Variants in CACNA2D3 observed in about 807,000 individuals in gnomAD.
CACNA2D3 encodes the protein voltage-dependent calcium channel subunit alpha-2/delta-3.
In CACNA2D3, 60 loss-of-function variants were observed where a neutral mutation model predicts 160.6. The ratio of observed to expected loss-of-function variants is 0.37; its 90% CI spans 0.30 to 0.46. The LOEUF (loss-of-function observed/expected upper bound fraction) is 0.46, where lower values mean the gene tolerates loss of function less well. Ranked by LOEUF, CACNA2D3 falls within the 20% of genes least tolerant of loss-of-function variation. The pLI, the probability that CACNA2D3 is intolerant of heterozygous loss-of-function variation, is 1.00. For synonymous variants in CACNA2D3, 558 were observed against 492.9 expected, an observed-to-expected ratio of 1.13 and a Z score of -1.75; for missense variants, 1,205 against 1,365.0, an observed-to-expected ratio of 0.88 and a Z score of 1.85.
intron 35 of CACNA2D3, among the ~76,000 whole-genome samples, chr3:55,042,893 A>G (rs1343055356): frequency 6.6e-6 from 1 of 152,174 alleles, no homozygotes; most frequent in Non-Finnish European, 1.5e-5. Flanking sequence ...ATCATACAGA[A>G]TATAGCCTTT....
At chr3:55,029,778 A>G (rs1703650631) in intron 35 of CACNA2D3, among the ~76,000 whole-genome samples, 2 of 152,180 alleles carry the variant, frequency 1.3e-5, no homozygotes, top group African/African-American at 4.8e-5. Flanking sequence ...GAATAATATA[A>G]TTTGTAGGTG....
chr3:54,815,552 G>GAAA (rs1703430514), intron 13 of CACNA2D3, among the ~76,000 whole-genome samples: 1 of 152,186 alleles, frequency 6.6e-6, no homozygotes, highest in Non-Finnish European at 1.5e-5. Flanking sequence ...TAGCACTTCT[G>GAAA]ATGTCATAAG....
At position 54,852,215 on chromosome 3, in the gene CACNA2D3, CCTTGA is replaced by C. The variant is rs575497894; in HGVS notation, c.1626+5754_1626+5758del. On this transcript the variant is annotated intron_variant, in intron 17 of 37. Transcript: ENST00000474759. Reference sequence around the variant, plus strand: ...GGGAGGTTGCCCAGAATTCAAGGGGCCTTGACTTGATTGCCAGGGCAGATGAGCTC... The same window carrying C: ...GGGAGGTTGCCCAGAATTCAAGGGGCCTTGATTGCCAGGGCAGATGAGCTC... Among the ~76,000 whole-genome samples the C allele has an allele frequency of 1.1e-4, 16 of 152,304 alleles. No homozygotes were observed. In the East Asian group the frequency reaches 2.9e-3, roughly 28 times the overall value.
chr3:54,735,918 C>G (rs1701488729), intron 11 of CACNA2D3, among the ~76,000 whole-genome samples: 1 of 141,146 alleles, frequency 7.1e-6, no homozygotes, highest in Non-Finnish European at 1.6e-5. Context: ...TTGTTATCCA[C>G]CCTCGAGAGA....
chr3:54,234,614 C>A lies in CACNA2D3; in HGVS notation c.205-85828C>A, dbSNP rs575571329. ...CAAAGACATGGAATTAACCTACATG[C>A]CCATCAATGATAGATTGGATAAAGA... On this transcript the variant is annotated intron_variant, in intron 2 of 37. Coordinates refer to ENST00000474759, the MANE Select transcript of CACNA2D3 (RefSeq NM_018398.3). 3.9e-4 allele frequency among the ~76,000 whole-genome samples: 59 copies of A among 152,160 alleles called. 1 individual carries two copies. The highest frequency in any genetic ancestry group is 7.2e-4 in the Non-Finnish European group (49 of 68,032).
At chr3:54,973,172 G>A (rs893624586) in intron 29 of CACNA2D3, among the ~76,000 whole-genome samples, 3 of 152,058 alleles carry the variant, frequency 2.0e-5, no homozygotes, top group Non-Finnish European at 4.4e-5. Flanking sequence ...GAACACCACT[G>A]TAGAGGCACC....
At chr3:55,070,313 TGAAGAGAGAGAGTTGGAG>T (rs1445599047) in intron 35 of CACNA2D3, among the ~76,000 whole-genome samples, 2 of 152,116 alleles carry the variant, frequency 1.3e-5, no homozygotes, top group Admixed American at 1.3e-4. Flanking sequence ...GGGAGATGTG[TGAAGAGAGAGAGTTGGAG>T]GGAGAGAGAG....
At chr3:54,890,604 G>C (rs1255448229) in intron 24 of CACNA2D3, among the ~76,000 whole-genome samples, 3 of 151,896 alleles carry the variant, frequency 2.0e-5, no homozygotes, top group Non-Finnish European at 2.9e-5. Context: ...ATCTCCTAAA[G>C]AACACGCTCA....
chr3:54,811,735 G>A (rs752725531), intron 13 of CACNA2D3, among the ~76,000 whole-genome samples: 21 of 151,920 alleles, frequency 1.4e-4, no homozygotes, highest in African/African-American at 4.3e-4. Flanking sequence ...TCCTGACCTC[G>A]GGTGATCTGC....
intron 16 of CACNA2D3, among the ~76,000 whole-genome samples, 165 bp downstream of exon 16, chr3:54,838,813 T>G (rs546657809): frequency 2.0e-5 from 3 of 152,364 alleles, no homozygotes; most frequent in African/African-American, 7.2e-5. Context: ...TTAAAAGGTT[T>G]TTTTTTTATT....
At chr3:54,973,930 C>T (rs1048382916) in intron 29 of CACNA2D3, among the ~76,000 whole-genome samples, 2 of 152,124 alleles carry the variant, frequency 1.3e-5, no homozygotes, top group African/African-American at 2.4e-5. Flanking sequence ...GCCTGATGTA[C>T]AGAGATTCAG....
intron 35 of CACNA2D3, among the ~76,000 whole-genome samples, chr3:55,056,228 G>A (rs1380676150): frequency 6.6e-6 from 1 of 151,968 alleles, no homozygotes; most frequent in Non-Finnish European, 1.5e-5. Flanking sequence ...TAATCATCAG[G>A]GTTATACAAA....
intron 2 of CACNA2D3, among the ~76,000 whole-genome samples, chr3:54,243,207 G>C (rs1702006306): frequency 6.6e-6 from 1 of 152,186 alleles, no homozygotes; most frequent in African/African-American, 2.4e-5. Flanking sequence ...GAAACCCAAG[G>C]CTGGAAACTA....
chr3:54,412,392 G>A (rs971998961), intron 4 of CACNA2D3, among the ~76,000 whole-genome samples: 1 of 151,838 alleles, frequency 6.6e-6, no homozygotes, highest in Non-Finnish European at 1.5e-5. Context: ...ATGGATTTTT[G>A]TTCATGTATT....
chr3:54,693,472 C>G (rs1700604360), intron 11 of CACNA2D3, among the ~76,000 whole-genome samples: 1 of 152,158 alleles, frequency 6.6e-6, no homozygotes, highest in Non-Finnish European at 1.5e-5. Context: ...ATGTACAGTA[C>G]AAAATACTTG....
chr3:54,700,796 C>T (rs1246424527), intron 11 of CACNA2D3, among the ~76,000 whole-genome samples: 2 of 152,172 alleles, frequency 1.3e-5, no homozygotes, highest in African/African-American at 4.8e-5. Flanking sequence ...ATTGTCATGG[C>T]AGCCCTGTGA....
intron 2 of CACNA2D3, among the ~76,000 whole-genome samples, chr3:54,128,117 T>C (rs915306845): frequency 3.9e-5 from 6 of 152,194 alleles, no homozygotes; most frequent in Non-Finnish European, 7.3e-5. Flanking sequence ...TTAATTCCCA[T>C]GTGGTTATAA....
At chr3:54,609,887 C>G (rs1479000573) in intron 9 of CACNA2D3, among the ~76,000 whole-genome samples, 1 of 152,170 alleles carries the variant, frequency 6.6e-6, no homozygotes, top group Admixed American at 6.5e-5. Flanking sequence ...GTACCACAAA[C>G]TTGGTGGCTT....
chr3:54,549,742 G>T (rs1239994172), intron 5 of CACNA2D3, among the ~76,000 whole-genome samples: 1 of 152,200 alleles, frequency 6.6e-6, no homozygotes, highest in Admixed American at 6.5e-5. Context: ...CATTTGTACA[G>T]TTCCTTGGCA....
Sources: gnomAD v4.1 joint callset for allele counts (sites outside exome capture counted in the v4.1 genomes callset) on GRCh38, gnomAD v4.1.1 for gene constraint, MANE v1.5 for transcripts, NCBI Gene and HGNC (gene_info 2026-07-23, HGNC 2026-07-21) for gene names.